Variants in INSYN2B observed in about 807,000 individuals in gnomAD.
INSYN2B encodes inhibitory synaptic factor family member 2B.
Under a neutral mutation model 41.2 loss-of-function variants are expected in INSYN2B, and 16 were observed. That is an observed-to-expected ratio of 0.39 (90% confidence interval 0.26 to 0.59). INSYN2B has a LOEUF of 0.59. INSYN2B is among the 20% of genes least tolerant of loss of function. INSYN2B has a pLI of 0.57. For synonymous variants in INSYN2B, 245 were observed against 244.4 expected, an observed-to-expected ratio of 1.00 and a Z score of -0.02; for missense variants, 608 against 646.4, an observed-to-expected ratio of 0.94 and a Z score of 0.64.
intron 3 of INSYN2B, among the ~76,000 whole-genome samples, chr5:169,877,407 G>A (rs755748711): frequency 6.6e-5 from 10 of 152,176 alleles, no homozygotes; most frequent in African/African-American, 1.7e-4. Context: ...CTGAACCTGC[G>A]GCAGAGGAAT....
At chr5:169,869,839 C>T (rs1771838994) in intron 3 of INSYN2B, among the ~76,000 whole-genome samples, 1 of 152,212 alleles carries the variant, frequency 6.6e-6, no homozygotes, top group Non-Finnish European at 1.5e-5. Flanking sequence ...TCACTGCTTC[C>T]ACCTACTCTC....
chr5:169,918,349 G>A (rs1246543031), intron 1 of INSYN2B, among the ~76,000 whole-genome samples: 1 of 152,142 alleles, frequency 6.6e-6, no homozygotes, highest in African/African-American at 2.4e-5. Flanking sequence ...CTTCTGCTCA[G>A]TATCTAACCT....
At chr5:169,897,714 G>C (rs760753076) in intron 1 of INSYN2B, among the ~76,000 whole-genome samples, 1 of 152,182 alleles carries the variant, frequency 6.6e-6, no homozygotes, top group Non-Finnish European at 1.5e-5. Context: ...GACGGGGTGA[G>C]CTCCCTGTCC....
At chr5:169,890,470 G>A (rs1773218896) in intron 1 of INSYN2B, among the ~76,000 whole-genome samples, 1 of 152,150 alleles carries the variant, frequency 6.6e-6, no homozygotes, top group Non-Finnish European at 1.5e-5. Flanking sequence ...TGTGGTCCAA[G>A]TATCCACTTA....
At chr5:169,934,281 GGGA>G (rs1775887404) in intron 1 of INSYN2B, among the ~76,000 whole-genome samples, 1 of 152,148 alleles carries the variant, frequency 6.6e-6, no homozygotes, top group East Asian at 1.9e-4. Flanking sequence ...GTATTTACCC[GGGA>G]AGACTTCTCT....
At chr5:169,957,354 T>C (rs1776912324) in intron 1 of INSYN2B, among the ~76,000 whole-genome samples, 2 of 152,256 alleles carry the variant, frequency 1.3e-5, no homozygotes, top group African/African-American at 4.8e-5. Flanking sequence ...CAGAATTCAA[T>C]GAGACAAAAT....
chr5:169,899,506 T>G (rs545892535), intron 1 of INSYN2B, among the ~76,000 whole-genome samples: 1 of 152,304 alleles, frequency 6.6e-6, no homozygotes, highest in East Asian at 1.9e-4. Context: ...CTTGCTTGCC[T>G]CAAATGGACT....
chr5:169,905,595 C>T (rs1246909124), intron 1 of INSYN2B, among the ~76,000 whole-genome samples: 6 of 152,172 alleles, frequency 3.9e-5, no homozygotes, highest in African/African-American at 4.8e-5. Flanking sequence ...GTCCTGTATA[C>T]GGGCTTGAAT....
intron 1 of INSYN2B, among the ~76,000 whole-genome samples, chr5:169,895,711 G>A (rs1773557007): frequency 6.6e-6 from 1 of 151,942 alleles, no homozygotes; most frequent in African/African-American, 2.4e-5. Flanking sequence ...ACTTGGCAAA[G>A]CCTTTCTCTT....
At position 169,910,671 on chromosome 5, in the gene INSYN2B, T is replaced by C. The variant is rs191474984; in HGVS notation, c.-918-25855A>G. 4.9e-4 allele frequency among the ~76,000 whole-genome samples: 75 copies of C among 152,308 alleles called. 1 individual carries two copies. The East Asian group carries it at 0.012, about 24-fold the overall frequency. On this transcript the variant is annotated intron_variant, in intron 1 of 3. Coordinates refer to ENST00000377365, the MANE Select transcript of INSYN2B (RefSeq NM_001129891.3). ...GGCCACGGCAATGAAGTCCCCAAAA[T>C]GACCTGTTACATCTCTAGCTACAAG...
At chr5:169,865,686 G>A (rs940676415) in intron 3 of INSYN2B, among the ~76,000 whole-genome samples, 2 of 152,212 alleles carry the variant, frequency 1.3e-5, no homozygotes. Context: ...AGCCAGCGTG[G>A]GAGTGTGGGA....
rs1438547331 is a variant in INSYN2B at position 169,863,739 on chromosome 5, A to G, written c.*534T>C. The stretch of plus-strand genomic sequence containing the variant: ...ACCCAACACACCAGGGTGATCTTGC[A>G]TAAGCATTTTATGCCCTGCCCACTT... On this transcript the variant is annotated 3_prime_UTR_variant, in exon 4 of 4. Coordinates refer to ENST00000377365, the MANE Select transcript of INSYN2B (RefSeq NM_001129891.3). Among the ~76,000 whole-genome samples, 2 of 152,262 alleles carry G rather than the reference A, an allele frequency of 1.3e-5. No individual in the cohort carries two copies. The highest frequency in any genetic ancestry group is 2.1e-4 in the South Asian group (1 of 4,832).
At chr5:169,921,993 A>G (rs1390846179) in intron 1 of INSYN2B, among the ~76,000 whole-genome samples, 2 of 152,214 alleles carry the variant, frequency 1.3e-5, no homozygotes, top group Non-Finnish European at 2.9e-5. Flanking sequence ...TCAGAATCCC[A>G]TGTACATCCT....
chr5:169,890,943 G>A (rs372910241), intron 1 of INSYN2B, among the ~76,000 whole-genome samples: 55 of 152,024 alleles, frequency 3.6e-4, no homozygotes, highest in African/African-American at 1.3e-3. Flanking sequence ...ATCACATCAG[G>A]CCCCTCTTTG....
At chr5:169,952,573 A>G (rs1262454131) in intron 1 of INSYN2B, among the ~76,000 whole-genome samples, 1 of 152,174 alleles carries the variant, frequency 6.6e-6, no homozygotes, top group Non-Finnish European at 1.5e-5. Context: ...GCACTTCAGC[A>G]CATGAGACTG....
chr5:169,878,297 A>G (rs1438768930), intron 3 of INSYN2B, among the ~76,000 whole-genome samples: 1 of 151,144 alleles, frequency 6.6e-6, no homozygotes, highest in Non-Finnish European at 1.5e-5. Flanking sequence ...AAGATTCCCC[A>G]TACCATCTAC....
intron 3 of INSYN2B, among the ~76,000 whole-genome samples, chr5:169,874,344 C>T (rs1772177638): frequency 7.3e-6 from 1 of 137,458 alleles, no homozygotes; most frequent in Non-Finnish European, 1.5e-5. Context: ...ACCTGGGAGG[C>T]AGAGGTTGCA....
At chr5:169,960,593 A>G (rs1777043658) in intron 1 of INSYN2B, among the ~76,000 whole-genome samples, 1 of 152,184 alleles carries the variant, frequency 6.6e-6, no homozygotes, top group South Asian at 2.1e-4. Context: ...AAAATGACCA[A>G]TAATGGAGGG....
chr5:169,897,958 G>A (rs111687083), intron 1 of INSYN2B, among the ~76,000 whole-genome samples: 2,405 of 152,300 alleles, frequency 0.016, 23 homozygotes, highest in Middle Eastern at 0.068. Context: ...AAATAAAGGA[G>A]CAGGCTAGCT....
Sources: allele counts gnomAD v4.1 joint callset (sites outside exome capture counted in the v4.1 genomes callset), GRCh38; gene constraint gnomAD v4.1.1; transcripts MANE v1.5; gene names NCBI Gene and HGNC (gene_info 2026-07-23, HGNC 2026-07-21).